CLIC5: variants seen among roughly 807,000 people sequenced by gnomAD.
The protein encoded by CLIC5 is CLIC family member 5.
A neutral mutation model predicts 24.7 loss-of-function variants in CLIC5; 20 were observed. That is an observed-to-expected ratio of 0.81 (90% CI 0.57 to 1.18). CLIC5 has a LOEUF of 1.18. Ranked by LOEUF, CLIC5 falls within the 50% of genes most tolerant of loss-of-function variation. CLIC5 has a pLI of 0.00. For synonymous variants in CLIC5, 159 were observed against 135.6 expected (o/e 1.17, Z -1.20); for missense variants, 341 against 326.1 (o/e 1.05, Z -0.35).
chr6:46,092,638 TG>T, the CLIC5 span, among the ~76,000 whole-genome samples: 1 of 150,232 alleles, frequency 6.7e-6, no homozygotes, highest in Non-Finnish European at 1.5e-5. Context: ...CCCTTTTGTG[TG>T]TGTGTGTGTG....
chr6:45,906,603 C>T (rs1204009719), intron 5 of CLIC5, among the ~76,000 whole-genome samples: 1 of 148,910 alleles, frequency 6.7e-6, no homozygotes, highest in Non-Finnish European at 1.5e-5. Flanking sequence ...GCTCTTGTTG[C>T]CCAGGCTGGA....
chr6:46,110,696 G>A, the CLIC5 span, among the ~76,000 whole-genome samples: 22 of 152,176 alleles, frequency 1.4e-4, no homozygotes, highest in African/African-American at 5.3e-4. Flanking sequence ...AGATCTTGTG[G>A]GACCTCAAGA....
At chr6:45,953,629 G>A (rs1764542853) in intron 2 of CLIC5, among the ~76,000 whole-genome samples, 1 of 151,628 alleles carries the variant, frequency 6.6e-6, no homozygotes, top group Admixed American at 6.6e-5. Flanking sequence ...AGACAAATCG[G>A]GGCTTCGGAT....
chr6:45,922,464 C>A (rs1383843812), intron 4 of CLIC5, among the ~76,000 whole-genome samples: 1 of 152,166 alleles, frequency 6.6e-6, no homozygotes, highest in Non-Finnish European at 1.5e-5. Context: ...TACAGCTCCA[C>A]AAATCACCCT....
intron 1 of CLIC5, among the ~76,000 whole-genome samples, chr6:46,012,281 A>G (rs1037964874): frequency 3.3e-5 from 5 of 152,226 alleles, no homozygotes; most frequent in African/African-American, 1.2e-4. Flanking sequence ...GTTCAGGATC[A>G]TTTAGCTAAT....
chr6:45,980,778 A>T lies in CLIC5; in HGVS notation c.64-25534T>A, dbSNP rs187423623. 1.8e-4 allele frequency among the ~76,000 whole-genome samples: 28 copies of T among 152,244 alleles called. No individual in the cohort carries two copies. The East Asian group carries it at 5.0e-3, about 27-fold the overall frequency. The stretch of plus-strand genomic sequence containing the variant: ...CTAATTACTTTTATAAATAGAAAAA[A>T]ATATTTTTCAAAGTAATTCAATGAC... On this transcript the variant is annotated intron_variant, in intron 1 of 5. Coordinates refer to ENST00000339561, the MANE Select transcript of CLIC5 (RefSeq NM_016929.5).
Position 45,941,626 on chromosome 6 carries a change from C to A in CLIC5, c.327G>T (p.Arg109=), listed in dbSNP as rs769859109. 6.2e-7 allele frequency: 1 copy of A among 1,613,832 alleles called. No individual in the cohort carries two copies. The highest frequency in any genetic ancestry group is 1.1e-5 in the South Asian group (1 of 91,036). ...TGTCGATGCCCGCTGTGTTGGATTC[C>A]CGGTGTTTTGCAGCCAGTTTGGGGT... ...EKYPKLAAKH[R]ESNTAGIDIF... Residue 109 remains arginine, a synonymous_variant, in exon 4 of 6, where the codon CGG becomes CGT. Coordinates refer to ENST00000339561, the MANE Select transcript of CLIC5 (RefSeq NM_016929.5).
intron 1 of CLIC5, among the ~76,000 whole-genome samples, chr6:45,988,812 G>A (rs1460606361): frequency 6.6e-6 from 1 of 152,176 alleles, no homozygotes; most frequent in Non-Finnish European, 1.5e-5. Context: ...AGCACAGGAG[G>A]GCAGATCCTT....
chr6:46,063,724 C>G lies in CLIC5; in HGVS notation c.540+15979G>C, dbSNP rs34958744. On this transcript the variant is annotated intron_variant, in intron 1 of 5. Transcript: ENST00000185206. ...CAGGGCTGGTAATAATTTGTGTTCC[C>G]AGTAGGAAGAGTGGAAAGACCTCCT... 7.1e-3 allele frequency among the ~76,000 whole-genome samples: 1,079 copies of G among 152,252 alleles called. 9 individuals carry two copies. The highest frequency in any genetic ancestry group is 0.024 in the Middle Eastern group (7 of 294).
chr6:46,043,256 T>C (rs562395583), intron 1 of CLIC5, among the ~76,000 whole-genome samples: 2 of 152,314 alleles, frequency 1.3e-5, no homozygotes, highest in East Asian at 3.9e-4. Flanking sequence ...CATTGGTTCA[T>C]CTACTCTTTG....
the CLIC5 span, among the ~76,000 whole-genome samples, chr6:46,122,758 G>A: frequency 3.3e-5 from 5 of 152,068 alleles, no homozygotes; most frequent in African/African-American, 4.8e-5. Context: ...TACCACCGCC[G>A]ATCCCACAGA....
At chr6:46,090,403 G>C in the CLIC5 span, among the ~76,000 whole-genome samples, 1 of 92,548 alleles carries the variant, frequency 1.1e-5, no homozygotes, top group Non-Finnish European at 2.5e-5. Context: ...TCAACTTGAT[G>C]GGTTTTTTTT....
the CLIC5 span, among the ~76,000 whole-genome samples, chr6:46,119,332 C>T: frequency 6.6e-6 from 1 of 152,230 alleles, no homozygotes; most frequent in African/African-American, 2.4e-5. Flanking sequence ...CCTTTTGGGA[C>T]TCTTTTATAG....
chr6:46,101,222 C>G, the CLIC5 span, among the ~76,000 whole-genome samples: 1 of 152,114 alleles, frequency 6.6e-6, no homozygotes, highest in Non-Finnish European at 1.5e-5. Flanking sequence ...AACCAAGAAG[C>G]CTATACAAAC....
At position 45,992,735 on chromosome 6, in the gene CLIC5, C is replaced by G. The variant is rs564744511; in HGVS notation, c.63+22745G>C. 3.3e-4 allele frequency among the ~76,000 whole-genome samples: 51 copies of G among 152,250 alleles called. 3 individuals carry two copies. The South Asian group carries it at 0.01, about 31-fold the overall frequency. On this transcript the variant is annotated intron_variant, in intron 1 of 5. Transcript: ENST00000339561. ...AGGACGCTTTGTAAACATGTTTTCC[C>G]TAATCACCCCTTATATAGACTTAAT...
At position 45,902,975 on chromosome 6, in the gene CLIC5, C is replaced by T; in HGVS notation, c.*113G>A. 8.4e-7 allele frequency: 1 copy of T among 1,183,944 alleles called. No homozygotes were observed. The highest frequency in any genetic ancestry group is 1.4e-5 in the South Asian group (1 of 71,250). The allele number at this position is 1,183,944 out of a possible 1,614,324, so 73.3% of individuals were successfully genotyped here. ...TTCCCATGATACCAGCAAGATGAGG[C>T]TTGATTATAAAAAGTGCGCCTCAAG... On this transcript the variant is annotated 3_prime_UTR_variant, in exon 6 of 6. Transcript: ENST00000339561.
At chr6:45,908,360 T>C (rs920735948) in intron 5 of CLIC5, among the ~76,000 whole-genome samples, 1 of 152,178 alleles carries the variant, frequency 6.6e-6, no homozygotes, top group Non-Finnish European at 1.5e-5. Context: ...CTAGGTGTGA[T>C]GTTACTTTGT....
chr6:45,965,735 G>T (rs1334792627), intron 1 of CLIC5, among the ~76,000 whole-genome samples: 1 of 152,192 alleles, frequency 6.6e-6, no homozygotes, highest in Non-Finnish European at 1.5e-5. Flanking sequence ...TCCTAATACA[G>T]GAAATATGTT....
chr6:45,887,702 C>G (rs1228057712), intron 6 of CLIC5, among the ~76,000 whole-genome samples: 2 of 152,202 alleles, frequency 1.3e-5, no homozygotes, highest in African/African-American at 4.8e-5. Flanking sequence ...AGGGTTCACC[C>G]TCTAAAACAG....
Sources: gnomAD v4.1 joint callset for allele counts (sites outside exome capture counted in the v4.1 genomes callset) on GRCh38, gnomAD v4.1.1 for gene constraint, MANE v1.5 for transcripts, NCBI Gene and HGNC (gene_info 2026-07-23, HGNC 2026-07-21) for gene names.